GINM1: variants seen among roughly 807,000 people sequenced by gnomAD.
GINM1 encodes glycoprotein integral membrane protein 1.
In GINM1, 29 loss-of-function variants were observed where a neutral mutation model predicts 37.8. The observed-to-expected ratio is 0.77, with a 90% CI of 0.57 to 1.05. The LOEUF is 1.05. Among genes scored for constraint, GINM1 ranks in the 50% least tolerant of loss-of-function variants. The probability of loss-of-function intolerance (pLI) is 0.00; values close to 1 mark genes in which losing one functional copy is unlikely to be tolerated. For missense variants in GINM1, 377 were observed against 397.9 expected (o/e 0.95, Z 0.45); for synonymous variants, 143 against 146.2 (o/e 0.98, Z 0.16).
rs772842903 is a variant in GINM1 at position 149,590,866 on chromosome 6, A to G, written c.*28A>G. ...CGCCATCTCATATCATGGACTCCGA[A>G]GTAGCCTGTTGCCTCCAAATTTGCC... On this transcript the variant is annotated 3_prime_UTR_variant, in exon 8 of 8. Coordinates refer to ENST00000367419, the MANE Select transcript of GINM1 (RefSeq NM_138785.5). 43 of 1,095,336 alleles carry G rather than the reference A, an allele frequency of 3.9e-5. No homozygotes were observed. In the Admixed American group the frequency reaches 7.9e-4, roughly 20 times the overall value. 67.9% of individuals were successfully genotyped at this position (1,095,336 alleles called of 1,614,324 possible).
intron 1 of GINM1, among the ~76,000 whole-genome samples, chr6:149,569,038 T>C (rs1356903811): frequency 2.0e-5 from 3 of 151,540 alleles, no homozygotes; most frequent in South Asian, 4.2e-4. Flanking sequence ...TTTTTGTTTT[T>C]TATTTTTGAG....
chr6:149,582,444 T>C lies in GINM1; in HGVS notation c.722T>C (p.Met241Thr). 2 of 1,601,262 alleles carry C rather than the reference T, an allele frequency of 1.2e-6. No homozygotes were observed. Among genetic ancestry groups the C allele is most frequent in the Non-Finnish European group, 1.7e-6 (2 of 1,177,208 alleles). The change falls in exon 7 of 8, where the codon ATG (methionine) becomes ACG (threonine). Residue 241 changes from methionine to threonine, a missense_variant. Physicochemically the swap from Met to Thr is moderately conservative, Grantham distance 81. Transcript: ENST00000367419. ...RAEPPSSYKV[M>T]CQWMEKFRKD... ...TAATCGAAATTCCTTTTTCAGGTAATGTGTCAGTGGATGGAAAAGTTTAGA... is the reference window on the plus strand; with the variant it reads ...TAATCGAAATTCCTTTTTCAGGTAACGTGTCAGTGGATGGAAAAGTTTAGA...
At chr6:149,582,382 A>C in intron 6 of GINM1, 58 bp from the exon 7 acceptor site, 1 of 1,425,396 alleles carries the variant, frequency 7.0e-7, no homozygotes, top group East Asian at 2.3e-5. Context: ...TAAAAAATTT[A>C]AAGTTTATTC....
At chr6:149,587,626 G>T (rs1778092710) in intron 7 of GINM1, among the ~76,000 whole-genome samples, 1 of 152,200 alleles carries the variant, frequency 6.6e-6, no homozygotes, top group African/African-American at 2.4e-5. Flanking sequence ...GGGGTTCAGA[G>T]CTTCCCTGCC....
Position 149,566,546 on chromosome 6 carries a change from C to A in GINM1, c.120+12C>A. The A allele has an allele frequency of 6.7e-7, 1 of 1,498,842 alleles. No individual in the cohort carries two copies. Among genetic ancestry groups the A allele is most frequent in the Non-Finnish European group, 8.9e-7 (1 of 1,129,142 alleles). The allele number at this position is 1,498,842 out of a possible 1,614,324, so 92.8% of individuals were successfully genotyped here. The stretch of plus-strand genomic sequence containing the variant: ...CCGGAGCCCCACAGGTAGGGCAGGG[C>A]GGGCCTGGCTGGCCGCTTTACGACT... On this transcript the variant is annotated intron_variant, in intron 1 of 7. Transcript: ENST00000367419. This position sits in a 1 kb window ranked among gnomAD's most constrained non-coding sequence, Gnocchi z 4.4.
At chr6:149,580,907 A>G in intron 6 of GINM1, 184 bp downstream of exon 6, 2 of 552,486 alleles carry the variant, frequency 3.6e-6, no homozygotes. Context: ...GCTTTGTTTA[A>G]TAATATTGTA....
intron 3 of GINM1, among the ~76,000 whole-genome samples, chr6:149,575,749 G>A (rs1427483123): frequency 6.6e-6 from 1 of 152,188 alleles, no homozygotes; most frequent in Non-Finnish European, 1.5e-5. Flanking sequence ...ATCCATGGTA[G>A]CTAAGAAAGG....
chr6:149,572,713 G>A, intron 3 of GINM1, 110 bp downstream of exon 3: 1 of 712,736 alleles, frequency 1.4e-6, no homozygotes. Context: ...CCAGGCTGGA[G>A]TGCAATGGTG....
At chr6:149,580,435 T>C (rs564199243) in intron 5 of GINM1, among the ~76,000 whole-genome samples, 158 bp from the exon 6 acceptor site, 1 of 152,362 alleles carries the variant, frequency 6.6e-6, no homozygotes, top group African/African-American at 2.4e-5. Flanking sequence ...TATAGTTCTC[T>C]TCTGACATTT....
chr6:149,585,410 C>T (rs1338414412), intron 7 of GINM1, among the ~76,000 whole-genome samples: 4 of 152,004 alleles, frequency 2.6e-5, no homozygotes, highest in Non-Finnish European at 5.9e-5. Flanking sequence ...TGTAAATGTA[C>T]ACTAGATAAT....
chr6:149,567,423 G>C (rs796191409), intron 1 of GINM1, among the ~76,000 whole-genome samples: 11 of 152,278 alleles, frequency 7.2e-5, no homozygotes, highest in African/African-American at 2.4e-4. Context: ...TAAATACAAA[G>C]GCGAAGGGCA....
rs748231450 is a variant in GINM1 at position 149,590,685 on chromosome 6, A to G, written c.882-42A>G. 7 of 1,031,058 alleles carry G rather than the reference A, an allele frequency of 6.8e-6. No homozygotes were observed. In the East Asian group the frequency reaches 1.7e-4, roughly 25 times the overall value. 63.9% of individuals were successfully genotyped at this position (1,031,058 alleles called of 1,614,324 possible). On this transcript the variant is annotated intron_variant, in intron 7 of 7. Transcript: ENST00000367419. The stretch of plus-strand genomic sequence containing the variant: ...CTCACTATCAAACTACAGGCAGAGG[A>G]AACATTTAATTTTGATAGTAATTAA...
rs1276274343 is a variant in GINM1 at position 149,570,134 on chromosome 6, TTTTATATA to T, written c.121-2149_121-2142del. ...AAACTCTGTAATTTTACTAGGTAGG[TTTTATATA>T]TATATATATATATATATATATATAT... On this transcript the variant is annotated intron_variant, in intron 1 of 7. Transcript: ENST00000367419. 3.0e-4 allele frequency among the ~76,000 whole-genome samples: 29 copies of T among 96,132 alleles called. 2 individuals carry two copies. The highest frequency in any genetic ancestry group is 1.1e-3 in the African/African-American group (23 of 20,646). 63.1% of individuals were successfully genotyped at this position (96,132 alleles called of 152,430 possible). A position where few individuals can be genotyped will look rare whatever the true frequency, so the allele number is the denominator to read the frequency against.
chr6:149,591,063 T>G lies in GINM1; in HGVS notation c.*225T>G, dbSNP rs9322191. On this transcript the variant is annotated 3_prime_UTR_variant, in exon 8 of 8. Transcript: ENST00000367419. ...TAATCCCAGGACTTTGGGAGGCCAATGCGGGCGGATCACGAGGTCAGATCA... is the reference window on the plus strand; with the variant it reads ...TAATCCCAGGACTTTGGGAGGCCAAGGCGGGCGGATCACGAGGTCAGATCA... The G allele has an allele frequency of 0.14, 58,561 of 419,558 alleles. 6,497 individuals carry two copies. The highest frequency in any genetic ancestry group is 0.37 in the African/African-American group (17,959 of 48,870). 26.0% of individuals were successfully genotyped at this position (419,558 alleles called of 1,614,324 possible).
At chr6:149,580,752 G>A (rs1326640645) in intron 6 of GINM1, 29 bp downstream of exon 6, 1 of 1,599,956 alleles carries the variant, frequency 6.3e-7, no homozygotes, top group Admixed American at 1.7e-5. Context: ...GTTATCATAA[G>A]CATTCATGGT....
rs147513433 is a variant in GINM1 at position 149,578,780 on chromosome 6, G to A, written c.278-42G>A. 9,051 of 1,343,692 alleles carry A rather than the reference G, an allele frequency of 6.7e-3. 49 individuals are homozygous for A. Among genetic ancestry groups the A allele is most frequent in the Middle Eastern group, 0.015 (72 of 4,932 alleles). The allele number at this position is 1,343,692 out of a possible 1,614,324, so 83.2% of individuals were successfully genotyped here. On this transcript the variant is annotated intron_variant, in intron 3 of 7. Coordinates refer to ENST00000367419, the MANE Select transcript of GINM1 (RefSeq NM_138785.5). Reference sequence around the variant, plus strand: ...AATCACACTCACTCACAGATTTGGTGGTAATCTTTGTTCAAAGGTGTCACT... The same window carrying A: ...AATCACACTCACTCACAGATTTGGTAGTAATCTTTGTTCAAAGGTGTCACT...
chr6:149,588,014 A>C (rs1277625137), intron 7 of GINM1, among the ~76,000 whole-genome samples: 1 of 152,214 alleles, frequency 6.6e-6, no homozygotes, highest in Non-Finnish European at 1.5e-5. Flanking sequence ...CACAGTATAG[A>C]TATACCTTAA....
chr6:149,575,239 T>C (rs1341576794), intron 3 of GINM1, among the ~76,000 whole-genome samples: 2 of 152,226 alleles, frequency 1.3e-5, no homozygotes, highest in Non-Finnish European at 1.5e-5. Context: ...TGGTTGTCAT[T>C]TTCCTTCGGC....
intron 7 of GINM1, among the ~76,000 whole-genome samples, chr6:149,587,179 A>G (rs1778081096): frequency 6.6e-6 from 1 of 152,230 alleles, no homozygotes; most frequent in Non-Finnish European, 1.5e-5. Flanking sequence ...ACCAAAGCAT[A>G]GGAAAAATAC....
Sources: allele counts gnomAD v4.1 joint callset (sites outside exome capture counted in the v4.1 genomes callset), GRCh38; gene constraint gnomAD v4.1.1; non-coding constraint Gnocchi (gnomAD v3.1); transcripts MANE v1.5; gene names NCBI Gene and HGNC (gene_info 2026-07-23, HGNC 2026-07-21).